Variants in ASTN2 observed in about 807,000 individuals in gnomAD.
The protein encoded by ASTN2 is astrotactin 2, also known as astrotactin-2.
Under a neutral mutation model 139.8 loss-of-function variants are expected in ASTN2, and 54 were observed. That is an observed-to-expected ratio of 0.39 (90% CI 0.31 to 0.48). The LOEUF is 0.48. Among genes scored for constraint, ASTN2 ranks in the 20% least tolerant of loss-of-function variants. ASTN2 has a pLI of 0.95. For missense variants in ASTN2, 1,565 were observed against 1,725.1 expected, an observed-to-expected ratio of 0.91 and a Z score of 1.64; for synonymous variants, 756 against 719.5, an observed-to-expected ratio of 1.05 and a Z score of -0.81.
chr9:117,201,007 T>TTA, intron 3 of ASTN2, among the ~76,000 whole-genome samples: 1 of 149,616 alleles, frequency 6.7e-6, no homozygotes, highest in Non-Finnish European at 1.5e-5. Flanking sequence ...TTTTTTTTTT[T>TTA]TTTTTTTTGG....
intron 19 of ASTN2, among the ~76,000 whole-genome samples, chr9:116,499,203 T>C (rs1043706488): frequency 6.6e-6 from 1 of 152,218 alleles, no homozygotes; most frequent in African/African-American, 2.4e-5. Flanking sequence ...TTGCTTTTTA[T>C]TACTAAAATA....
chr9:117,181,121 A>C, intron 3 of ASTN2: 1 of 873,636 alleles, frequency 1.1e-6, no homozygotes, highest in Non-Finnish European at 1.9e-6. Flanking sequence ...TGCATACACT[A>C]CCAAGAAAGC....
intron 6 of ASTN2, among the ~76,000 whole-genome samples, chr9:117,011,596 A>G (rs957203737): frequency 2.0e-5 from 3 of 152,228 alleles, no homozygotes; most frequent in Non-Finnish European, 4.4e-5. Context: ...GTCTTTAAAA[A>G]GATATTATGC....
intron 2 of ASTN2, among the ~76,000 whole-genome samples, chr9:117,234,575 T>A (rs1335408): frequency 0.024 from 3,709 of 152,312 alleles, 162 homozygotes; most frequent in African/African-American, 0.085. Flanking sequence ...ACTGCTTTTG[T>A]ACACTTTCCT....
intron 10 of ASTN2, among the ~76,000 whole-genome samples, chr9:116,864,735 A>T (rs1466375475): frequency 6.6e-6 from 1 of 152,130 alleles, no homozygotes; most frequent in African/African-American, 2.4e-5. Context: ...GCCACACATG[A>T]AGCAGGAAGA....
chr9:116,509,467 A>G (rs1051489027), intron 19 of ASTN2, among the ~76,000 whole-genome samples: 3 of 152,110 alleles, frequency 2.0e-5, no homozygotes, highest in Admixed American at 2.0e-4. Flanking sequence ...CGCAATAAAC[A>G]TATGTGTGCA....
intron 19 of ASTN2, among the ~76,000 whole-genome samples, chr9:116,605,041 AAGAG>A (rs1243750727): frequency 6.2e-5 from 9 of 146,218 alleles, no homozygotes; most frequent in African/African-American, 2.2e-4. Context: ...GAATAAAAAG[AAGAG>A]AGAGAGAGAG....
intron 3 of ASTN2, chr9:117,181,042 G>C: frequency 6.6e-7 from 1 of 1,524,774 alleles, no homozygotes; most frequent in Non-Finnish European, 9.0e-7. Context: ...CGCAAGGTCA[G>C]AAACATAAAC....
intron 2 of ASTN2, among the ~76,000 whole-genome samples, chr9:117,236,398 A>C (rs558202756): frequency 3.3e-5 from 5 of 152,122 alleles, no homozygotes; most frequent in Non-Finnish European, 5.9e-5. Flanking sequence ...AGATGGAGAG[A>C]AGCTGGCAGT....
rs775158395 is a variant in ASTN2, at chr9:117,141,451, A to G, written c.1043T>C (p.Val348Ala). 3.7e-6 allele frequency: 5 copies of G among 1,367,184 alleles called. No individual in the cohort carries two copies. The highest frequency in any genetic ancestry group is 4.9e-6 in the Non-Finnish European group (5 of 1,021,814). 84.7% of individuals were successfully genotyped at this position (1,367,184 alleles called of 1,614,324 possible). A position where few individuals can be genotyped will look rare whatever the true frequency, so the allele number is the denominator to read the frequency against. ...CTTGAACTTCTGCATCAGGGACTCC[A>G]CTGTCTCCTGAGTCGCCTCAGCTGC... The part of the protein sequence containing the change: ...KAAAEATQET[V>A]ESLMQKFKES... Residue 348 changes from valine to alanine, a missense_variant, in exon 4 of 23, where the codon GTG (valine) becomes GCG (alanine). Transcript: ENST00000313400.
At chr9:117,361,772 C>T (rs1329582762) in intron 1 of ASTN2, among the ~76,000 whole-genome samples, 3 of 152,136 alleles carry the variant, frequency 2.0e-5, no homozygotes, top group African/African-American at 7.2e-5. Flanking sequence ...TAGGACCCTT[C>T]TCACTCCTCT....
At chr9:116,803,857 A>G (rs1366921613) in intron 13 of ASTN2, among the ~76,000 whole-genome samples, 1 of 150,754 alleles carries the variant, frequency 6.6e-6, no homozygotes, top group Non-Finnish European at 1.5e-5. Context: ...GCAGAGATGG[A>G]GTCTTGCAAA....
intron 5 of ASTN2, among the ~76,000 whole-genome samples, chr9:117,041,907 G>C (rs1348673993): frequency 6.6e-6 from 1 of 152,002 alleles, no homozygotes; most frequent in East Asian, 1.9e-4. Flanking sequence ...ATATGCTCTT[G>C]GTAGATAAAC....
At chr9:117,009,507 G>C (rs1837451279) in intron 6 of ASTN2, among the ~76,000 whole-genome samples, 1 of 151,990 alleles carries the variant, frequency 6.6e-6, no homozygotes, top group Non-Finnish European at 1.5e-5. Context: ...ACAAAACAAA[G>C]ATAGAATTTC....
At chr9:116,471,318 C>G (rs577120148) in intron 20 of ASTN2, among the ~76,000 whole-genome samples, 1 of 152,180 alleles carries the variant, frequency 6.6e-6, no homozygotes, top group Non-Finnish European at 1.5e-5. Context: ...TCTCCACAAG[C>G]GAGACAGCTT....
At chr9:117,347,148 G>A (rs1180189701) in intron 1 of ASTN2, among the ~76,000 whole-genome samples, 2 of 152,010 alleles carry the variant, frequency 1.3e-5, no homozygotes, top group Non-Finnish European at 2.9e-5. Context: ...TAATGGGAGT[G>A]AGGTCAAGAA....
chr9:116,884,403 T>TG (rs1564321945), intron 10 of ASTN2, among the ~76,000 whole-genome samples: 34 of 152,018 alleles, frequency 2.2e-4, no homozygotes, highest in Non-Finnish European at 3.5e-4. Flanking sequence ...AGTCCAAAAT[T>TG]AAGACATCAG....
At chr9:117,124,316 A>C (rs1829632591) in intron 4 of ASTN2, among the ~76,000 whole-genome samples, 1 of 152,066 alleles carries the variant, frequency 6.6e-6, no homozygotes, top group African/African-American at 2.4e-5. Flanking sequence ...CTCCCACTCC[A>C]CATTCCTGAA....
intron 7 of ASTN2, among the ~76,000 whole-genome samples, chr9:116,983,463 A>C (rs1469836758): frequency 6.6e-6 from 1 of 152,230 alleles, no homozygotes; most frequent in Non-Finnish European, 1.5e-5. Context: ...GCCCTAGGTC[A>C]TAGGGCCAGG....
Sources: gnomAD v4.1 joint callset for allele counts (sites outside exome capture counted in the v4.1 genomes callset) on GRCh38, gnomAD v4.1.1 for gene constraint, MANE v1.5 for transcripts, NCBI Gene and HGNC (gene_info 2026-07-23, HGNC 2026-07-21) for gene names.